Variants in BCAN observed in about 807,000 individuals in gnomAD.
BCAN encodes the protein brevican.
BCAN carries 51 observed loss-of-function variants against 92.4 expected under a neutral mutation model. The observed-to-expected ratio is 0.55, with a 90% CI of 0.44 to 0.70. The LOEUF is 0.70. Ranked by LOEUF, BCAN falls within the 30% of genes least tolerant of loss-of-function variation. The pLI, the probability that BCAN is intolerant of heterozygous loss-of-function variation, is 0.00. For synonymous variants in BCAN, 501 were observed against 505.2 expected (o/e 0.99, Z 0.11); for missense variants, 1,140 against 1,212.1 (o/e 0.94, Z 0.88).
chr1:156,651,340 T>G (rs1302220775), intron 6 of BCAN, 116 bp from the exon 7 acceptor site: 2 of 966,536 alleles, frequency 2.1e-6, no homozygotes, highest in Non-Finnish European at 3.1e-6. Flanking sequence ...TGGGCCCCAG[T>G]AGGTGCTCCA....
intron 8 of BCAN, 130 bp downstream of exon 8, chr1:156,653,022 CT>C (rs1486640290): frequency 1.1e-5 from 17 of 1,520,166 alleles, no homozygotes. Flanking sequence ...TGCCTTCATT[CT>C]CTTACCCACC....
intron 6 of BCAN, chr1:156,650,059 G>C (rs935438108): frequency 2.4e-6 from 1 of 411,300 alleles, no homozygotes; most frequent in Admixed American, 2.9e-5. Context: ...GCTGGGGTTG[G>C]GGAGGGGTGG....
intron 6 of BCAN, 101 bp downstream of exon 6, chr1:156,648,962 C>A: frequency 7.4e-7 from 1 of 1,356,886 alleles, no homozygotes; most frequent in Non-Finnish European, 9.8e-7. Context: ...CAGGGCTTTG[C>A]CATTTGCCTG....
Position 156,652,260 on chromosome 1 carries a change from A to C in BCAN, c.1310A>C (p.Gln437Pro). 6.3e-7 allele frequency: 1 copy of C among 1,590,866 alleles called. No individual in the cohort carries two copies. Among genetic ancestry groups the C allele is most frequent in the Non-Finnish European group, 8.6e-7 (1 of 1,169,408 alleles). The change falls in exon 8 of 14, where the codon CAA becomes CCA. Residue 437 changes from glutamine to proline, a missense_variant. By Grantham distance (76) the Gln-to-Pro change is moderately conservative (BLOSUM62 -1). Transcript: ENST00000329117. ...GTGCTTTGCCTAGAATTTGAAACAC[A>C]ATCCATGGTACCGCCCACGGGGTTC... Reference protein sequence around the residue: ...APRTLLEFETQSMVPPTGFSE... With the variant: ...APRTLLEFETPSMVPPTGFSE...
intron 8 of BCAN, 51 bp downstream of exon 8, chr1:156,652,943 C>T: frequency 1.2e-6 from 2 of 1,600,418 alleles, no homozygotes; most frequent in Non-Finnish European, 1.7e-6. Context: ...CCTTTTCTTC[C>T]CCCTGCAGCT....
At position 156,658,943 on chromosome 1, in the gene BCAN, G is replaced by T; in HGVS notation, c.2629-84G>T. 7.2e-7 allele frequency: 1 copy of T among 1,397,048 alleles called. No individual in the cohort carries two copies. The highest frequency in any genetic ancestry group is 9.8e-7 in the Non-Finnish European group (1 of 1,016,778). 86.5% of individuals were successfully genotyped at this position (1,397,048 alleles called of 1,614,324 possible). ...TGCAGCCCCATTCTGGGCTCTTACGGGCTGAGCAAGAACATCAGAGGGCAG... is the reference window on the plus strand; with the variant it reads ...TGCAGCCCCATTCTGGGCTCTTACGTGCTGAGCAAGAACATCAGAGGGCAG... On this transcript the variant is annotated intron_variant, in intron 13 of 13. Transcript: ENST00000329117. The surrounding 1 kb of genome is among the most constrained non-coding windows in gnomAD (Gnocchi z 4.4).
chr1:156,659,138 GC>G lies in BCAN; in HGVS notation c.*5del. The G allele has an allele frequency of 6.4e-7, 1 of 1,564,566 alleles. No individual in the cohort carries two copies. The highest frequency in any genetic ancestry group is 8.6e-7 in the Non-Finnish European group (1 of 1,156,364). The stretch of plus-strand genomic sequence containing the variant: ...CAGCCCCATGCCAGGTCCCTAGGGG[GC>G]AAGGCCTTGAACACTGCCGGCCACA... On this transcript the variant is annotated 3_prime_UTR_variant, in exon 14 of 14. Coordinates refer to ENST00000329117, the MANE Select transcript of BCAN (RefSeq NM_021948.5).
chr1:156,653,358 G>T, intron 8 of BCAN: 1 of 1,032,410 alleles, frequency 9.7e-7, no homozygotes, highest in Non-Finnish European at 1.2e-6. Context: ...CCGGAGTCCA[G>T]GAGAACCCGT....
chr1:156,657,362 A>G (rs1679370935), intron 10 of BCAN: 2 of 567,210 alleles, frequency 3.5e-6, no homozygotes, highest in South Asian at 2.5e-5. Context: ...GCCGCCTCCA[A>G]TCCCTCCAAC....
Position 156,659,103 on chromosome 1 carries a change from T to TC in BCAN, c.2711dup (p.Ser905PhefsTer105). 1.3e-6 allele frequency: 2 copies of TC among 1,588,202 alleles called. No individual in the cohort carries two copies. The highest frequency in any genetic ancestry group is 1.7e-4 in the Middle Eastern group (1 of 5,990). ...CTGGGACGCTGGAAGGCGCTGTTGA[T>TC]CCCCCCTTCCAGCCCCATGCCAGGT... On this transcript the variant is annotated frameshift_variant, in exon 14 of 14. Coordinates refer to ENST00000329117, the MANE Select transcript of BCAN (RefSeq NM_021948.5). LOFTEE classifies it high-confidence loss of function.
Position 156,659,195 on chromosome 1 carries a change from C to G in BCAN, c.*61C>G. ...GCCCTGTCACCCAAATTTTCCCTCA[C>G]ACCCTGCGCTCCCGCCACCACAGGA... On this transcript the variant is annotated 3_prime_UTR_variant, in exon 14 of 14. Coordinates refer to ENST00000329117, the MANE Select transcript of BCAN (RefSeq NM_021948.5). The G allele has an allele frequency of 7.7e-7, 1 of 1,302,022 alleles. No individual in the cohort carries two copies. The highest frequency in any genetic ancestry group is 1.5e-5 in the African/African-American group (1 of 66,672). The allele number at this position is 1,302,022 out of a possible 1,614,324, so 80.7% of individuals were successfully genotyped here.
intron 9 of BCAN, 93 bp from the exon 10 acceptor site, chr1:156,656,845 C>T (rs1679347045): frequency 3.3e-6 from 5 of 1,522,008 alleles, no homozygotes; most frequent in Non-Finnish European, 4.4e-6. Context: ...CCGCCCCTCT[C>T]GGCCTGCGGT....
chr1:156,647,237 TC>T lies in BCAN; in HGVS notation c.466+63del, dbSNP rs1679015973. 1 of 1,462,396 alleles carries T rather than the reference TC, an allele frequency of 6.8e-7. No individual in the cohort carries two copies. The highest frequency in any genetic ancestry group is 2.6e-5 in the Admixed American group (1 of 38,534). The allele number at this position is 1,462,396 out of a possible 1,614,324, so 90.6% of individuals were successfully genotyped here. ...GGGAGGGAAGGGAGGACTCTTGCCTTCGGGGATCCCACAGTGTGAGAGGGAA... is the reference window on the plus strand; with the variant it reads ...GGGAGGGAAGGGAGGACTCTTGCCTTGGGGATCCCACAGTGTGAGAGGGAA... On this transcript the variant is annotated intron_variant, in intron 3 of 13. Coordinates refer to ENST00000329117, the MANE Select transcript of BCAN (RefSeq NM_021948.5). The surrounding 1 kb of genome is among the most constrained non-coding windows in gnomAD (Gnocchi z 4.8).
rs1679017165 is a variant in BCAN, at chr1:156,647,289, T to C, written c.466+114T>C. The C allele has an allele frequency of 2.2e-6, 3 of 1,349,920 alleles. No homozygotes were observed. The highest frequency in any genetic ancestry group is 3.0e-6 in the Non-Finnish European group (3 of 1,011,302). The allele number at this position is 1,349,920 out of a possible 1,614,324, so 83.6% of individuals were successfully genotyped here. A position where few individuals can be genotyped will look rare whatever the true frequency, so the allele number is the denominator to read the frequency against. On this transcript the variant is annotated intron_variant, in intron 3 of 13. Coordinates refer to ENST00000329117, the MANE Select transcript of BCAN (RefSeq NM_021948.5). The surrounding 1 kb of genome is among the most constrained non-coding windows in gnomAD (Gnocchi z 4.8). Reference sequence around the variant, plus strand: ...GCAAAGGTAGCTGGAAGGCGCAGCCTGGGTTGGAAAAAGAGTGAGGAGACA... The same window carrying C: ...GCAAAGGTAGCTGGAAGGCGCAGCCCGGGTTGGAAAAAGAGTGAGGAGACA...
chr1:156,647,956 C>CTA lies in BCAN; in HGVS notation c.642-26_642-25dup. The CTA allele has an allele frequency of 6.2e-7, 1 of 1,611,962 alleles. No homozygotes were observed. Among genetic ancestry groups the CTA allele is most frequent in the Non-Finnish European group, 8.5e-7 (1 of 1,178,236 alleles). ...TGGCTCCCTGGTGAAAGCATCTGTACTAAGTGATTCTGTCCTTCCTCCCTA... is the reference window on the plus strand; with the variant it reads ...TGGCTCCCTGGTGAAAGCATCTGTACTATAAGTGATTCTGTCCTTCCTCCCTA... On this transcript the variant is annotated intron_variant, in intron 4 of 13. Transcript: ENST00000329117. This position sits in a 1 kb window ranked among gnomAD's most constrained non-coding sequence, Gnocchi z 4.8.
intron 10 of BCAN, chr1:156,657,299 T>C: frequency 2.5e-6 from 2 of 804,364 alleles, no homozygotes; most frequent in Non-Finnish European, 3.8e-6. Context: ...GAACGGAGAG[T>C]GGAGGTTCGC....
chr1:156,653,308 T>A lies in BCAN; in HGVS notation c.1942+416T>A, dbSNP rs573536674. ...GTCCCCTTTAGCTGCCTCCTATTGA[T>A]CTCAGGGAAGCCTGGGAGTCCCTTC... On this transcript the variant is annotated intron_variant, in intron 8 of 13. Transcript: ENST00000329117. The A allele has an allele frequency of 8.3e-6, 9 of 1,078,902 alleles. No individual in the cohort carries two copies. The East Asian group carries it at 5.5e-4, about 65-fold the overall frequency. 66.8% of individuals were successfully genotyped at this position (1,078,902 alleles called of 1,614,324 possible). A position where few individuals can be genotyped will look rare whatever the true frequency, so the allele number is the denominator to read the frequency against.
chr1:156,648,971 T>C, intron 6 of BCAN, 110 bp downstream of exon 6: 1 of 1,314,868 alleles, frequency 7.6e-7, no homozygotes, highest in South Asian at 1.7e-5. Context: ...GCCATTTGCC[T>C]GAAGTGGTCG....
In BCAN at chr1:156,648,067, G is replaced by A. The variant is rs137890862; in HGVS notation, c.726G>A (p.Pro242=). 28 of 1,614,000 alleles carry A rather than the reference G, an allele frequency of 1.7e-5. No homozygotes were observed. The highest frequency in any genetic ancestry group is 1.6e-4 in the African/African-American group (12 of 74,990). The part of the protein sequence containing the change: ...PGVRNYGVVD[P]DDLYDVYCYA... Reference sequence around the variant, plus strand: ...TCCGGAACTATGGTGTGGTGGACCCGGATGACCTCTATGATGTGTACTGTT... The same window carrying A: ...TCCGGAACTATGGTGTGGTGGACCCAGATGACCTCTATGATGTGTACTGTT... Residue 242 remains proline, a synonymous_variant, in exon 5 of 14, where the codon CCG becomes CCA. Coordinates refer to ENST00000329117, the MANE Select transcript of BCAN (RefSeq NM_021948.5).
Sources: allele counts gnomAD v4.1 joint callset, GRCh38; gene constraint gnomAD v4.1.1; non-coding constraint Gnocchi (gnomAD v3.1); transcripts MANE v1.5; gene names NCBI Gene and HGNC (gene_info 2026-07-23, HGNC 2026-07-21).